Variants in NAALADL2 observed in about 807,000 individuals in gnomAD.
The protein encoded by NAALADL2 is N-acetylated alpha-linked acidic dipeptidase like 2, also known as inactive N-acetylated-alpha-linked acidic dipeptidase-like protein 2.
NAALADL2 carries 76 observed loss-of-function variants against 87.2 expected under a neutral mutation model. The observed-to-expected ratio is 0.87, with a 90% CI of 0.72 to 1.05. The LOEUF (loss-of-function observed/expected upper bound fraction) is 1.05, where lower values mean the gene tolerates loss of function less well. NAALADL2 is among the 50% of genes least tolerant of loss of function. The probability of loss-of-function intolerance (pLI) is 0.00; values close to 1 mark genes in which losing one functional copy is unlikely to be tolerated. For synonymous variants in NAALADL2, 354 were observed against 331.0 expected (o/e 1.07, Z -0.75); for missense variants, 1,089 against 945.8 (o/e 1.15, Z -1.99).
intron 1 of NAALADL2, among the ~76,000 whole-genome samples, chr3:174,533,171 G>A (rs1721402645): frequency 7.6e-6 from 1 of 131,380 alleles, no homozygotes; most frequent in Non-Finnish European, 1.6e-5. Flanking sequence ...CCAGCCAATG[G>A]GGAAGGGGTA....
At chr3:174,887,722 A>G (rs1464663445) in intron 1 of NAALADL2, among the ~76,000 whole-genome samples, 1 of 152,116 alleles carries the variant, frequency 6.6e-6, no homozygotes, top group Non-Finnish European at 1.5e-5. Context: ...ATTTGAGCCC[A>G]AGTGGTCAAG....
At chr3:174,525,087 C>A (rs79185125) in intron 1 of NAALADL2, among the ~76,000 whole-genome samples, 6,738 of 152,236 alleles carry the variant, frequency 0.044, 191 homozygotes, top group Admixed American at 0.085. Flanking sequence ...GTAAATACCA[C>A]CTATCTTGTT....
intron 4 of NAALADL2, among the ~76,000 whole-genome samples, chr3:175,322,917 G>A (rs973108488): frequency 4.6e-4 from 70 of 151,686 alleles, no homozygotes; most frequent in Admixed American, 1.4e-3. Flanking sequence ...AACCATTGTG[G>A]AAGTCAGTGT....
intron 3 of NAALADL2, among the ~76,000 whole-genome samples, chr3:174,789,814 A>G (rs1717247742): frequency 6.6e-6 from 1 of 152,202 alleles, no homozygotes; most frequent in African/African-American, 2.4e-5. Flanking sequence ...GGAATCTGTC[A>G]CTAAAGAGAG....
intron 2 of NAALADL2, among the ~76,000 whole-genome samples, chr3:175,135,650 G>A (rs1729010886): frequency 6.6e-6 from 1 of 152,090 alleles, no homozygotes; most frequent in African/African-American, 2.4e-5. Context: ...GAAATAAAGT[G>A]CAGATCATGA....
At chr3:174,883,971 T>C (rs1049337953) in intron 1 of NAALADL2, among the ~76,000 whole-genome samples, 1 of 152,094 alleles carries the variant, frequency 6.6e-6, no homozygotes, top group Admixed American at 6.6e-5. Context: ...ATCTTGAGAG[T>C]CTGGGCCAAT....
At chr3:175,446,253 G>C (rs1470494059) in intron 5 of NAALADL2, among the ~76,000 whole-genome samples, 4 of 138,588 alleles carry the variant, frequency 2.9e-5, no homozygotes, top group Non-Finnish European at 6.3e-5. Context: ...TTTGGGGGGG[G>C]CGGGGGGGAC....
rs565154478 is a variant in NAALADL2, at chr3:175,576,030, A to G, written c.1654-11A>G. On this transcript the variant is annotated splice_polypyrimidine_tract_variant and intron_variant, in intron 9 of 13. Transcript: ENST00000454872. ...ATAGTATGTGTTAACAATTTAAATT[A>G]TGTTTTTCAGAAAAATAATTTCAAC... 4.4e-6 allele frequency: 7 copies of G among 1,608,218 alleles called. No homozygotes were observed. The East Asian group carries it at 1.6e-4, about 36-fold the overall frequency.
At chr3:175,164,863 C>G (rs528993288) in intron 2 of NAALADL2, among the ~76,000 whole-genome samples, 1 of 152,282 alleles carries the variant, frequency 6.6e-6, no homozygotes, top group South Asian at 2.1e-4. Context: ...ATGACTTACT[C>G]CCTGAACTAC....
chr3:174,868,909 G>A (rs1269284658), intron 1 of NAALADL2, among the ~76,000 whole-genome samples: 1 of 152,124 alleles, frequency 6.6e-6, no homozygotes, highest in African/African-American at 2.4e-5. Context: ...GTATGACATT[G>A]TGAATAGGTG....
chr3:175,125,798 A>G (rs1041515032), intron 2 of NAALADL2, among the ~76,000 whole-genome samples: 2 of 152,070 alleles, frequency 1.3e-5, no homozygotes, highest in Non-Finnish European at 2.9e-5. Flanking sequence ...AAAGTTTTAG[A>G]ATTGTCAGCA....
intron 4 of NAALADL2, among the ~76,000 whole-genome samples, chr3:175,300,761 TTATTTA>T (rs1756967355): frequency 2.8e-5 from 4 of 142,332 alleles, no homozygotes; most frequent in South Asian, 2.1e-4. Context: ...TTATTTTTAT[TTATTTA>T]TTTATTTATT....
chr3:175,229,340 G>C (rs946477657), intron 2 of NAALADL2, among the ~76,000 whole-genome samples: 3 of 151,886 alleles, frequency 2.0e-5, no homozygotes, highest in African/African-American at 7.2e-5. Context: ...AGAGAGTTTA[G>C]CAGGTTTTCT....
chr3:174,924,366 A>C (rs1305823318), intron 1 of NAALADL2, among the ~76,000 whole-genome samples: 4 of 151,918 alleles, frequency 2.6e-5, no homozygotes, highest in African/African-American at 4.8e-5. Flanking sequence ...CCAGCTTCAT[A>C]CATGTCCCTA....
At chr3:174,853,376 CAAAA>C (rs55826352) in intron 3 of NAALADL2, among the ~76,000 whole-genome samples, 1 of 82,508 alleles carries the variant, frequency 1.2e-5, no homozygotes, top group African/African-American at 4.7e-5. Flanking sequence ...GACTCAATCT[CAAAA>C]AAAAAAAAAA....
chr3:174,922,309 TAAA>T (rs35627069), intron 1 of NAALADL2, among the ~76,000 whole-genome samples: 27,896 of 137,740 alleles, frequency 0.2, 2,711 homozygotes, highest in East Asian at 0.35. Flanking sequence ...GACCTTATCT[TAAA>T]AAAAAAAAAA....
intron 3 of NAALADL2, among the ~76,000 whole-genome samples, chr3:174,800,413 G>C (rs953945568): frequency 6.6e-6 from 1 of 152,194 alleles, no homozygotes; most frequent in Non-Finnish European, 1.5e-5. Flanking sequence ...TCCATGTGGT[G>C]TTGAGCCTGC....
At chr3:175,441,025 G>A (rs907181375) in intron 5 of NAALADL2, among the ~76,000 whole-genome samples, 3 of 151,808 alleles carry the variant, frequency 2.0e-5, no homozygotes, top group Non-Finnish European at 4.4e-5. Flanking sequence ...AGTTAATTTG[G>A]GGGAGGGTGA....
At chr3:175,434,475 A>T (rs1156862818) in intron 5 of NAALADL2, among the ~76,000 whole-genome samples, 1 of 151,982 alleles carries the variant, frequency 6.6e-6, no homozygotes, top group African/African-American at 2.4e-5. Context: ...AGCAACATCT[A>T]TATCAGGGAA....
Sources: gnomAD v4.1 joint callset for allele counts (sites outside exome capture counted in the v4.1 genomes callset) on GRCh38, gnomAD v4.1.1 for gene constraint, MANE v1.5 for transcripts, NCBI Gene and HGNC (gene_info 2026-07-23, HGNC 2026-07-21) for gene names.